Variants in COL14A1 observed in about 807,000 individuals in gnomAD.
The protein encoded by COL14A1 is collagen alpha-1(XIV) chain.
A neutral mutation model predicts 230.3 loss-of-function variants in COL14A1; 136 were observed. The ratio of observed to expected loss-of-function variants is 0.59; its 90% CI spans 0.51 to 0.68. The LOEUF is 0.68. Among genes scored for constraint, COL14A1 ranks in the 30% least tolerant of loss-of-function variants. The pLI is 0.00. For missense variants in COL14A1, 1,976 were observed against 2,215.8 expected, an observed-to-expected ratio of 0.89 and a Z score of 2.17; for synonymous variants, 792 against 784.1, an observed-to-expected ratio of 1.01 and a Z score of -0.17.
At chr8:120,345,928 T>C (rs1312189237) in intron 45 of COL14A1, among the ~76,000 whole-genome samples, 1 of 152,184 alleles carries the variant, frequency 6.6e-6, no homozygotes, top group Non-Finnish European at 1.5e-5. Context: ...AAACATGGCA[T>C]CACACCAATG....
intron 1 of COL14A1, among the ~76,000 whole-genome samples, chr8:120,128,791 C>G (rs900585759): frequency 1.3e-5 from 2 of 152,054 alleles, no homozygotes; most frequent in Admixed American, 6.6e-5. Flanking sequence ...TCGGAGCTAC[C>G]CTGAAAGGTG....
chr8:120,243,027 T>G (rs1445654618), intron 19 of COL14A1, among the ~76,000 whole-genome samples: 1 of 152,196 alleles, frequency 6.6e-6, no homozygotes, highest in Non-Finnish European at 1.5e-5. Flanking sequence ...ATCCTAGCAC[T>G]TTTCCAGCCA....
At chr8:120,194,893 C>T (rs1340996156) in intron 5 of COL14A1, among the ~76,000 whole-genome samples, 1 of 152,078 alleles carries the variant, frequency 6.6e-6, no homozygotes, top group African/African-American at 2.4e-5. Flanking sequence ...AATTTTTATC[C>T]CTTGACTTCT....
chr8:120,350,960 A>G (rs981422711), intron 45 of COL14A1, among the ~76,000 whole-genome samples: 1 of 150,850 alleles, frequency 6.6e-6, no homozygotes, highest in Non-Finnish European at 1.5e-5. Context: ...CACCACACCT[A>G]TTCCAAAATT....
At chr8:120,178,752 T>C (rs1442195904) in intron 5 of COL14A1, among the ~76,000 whole-genome samples, 1 of 152,192 alleles carries the variant, frequency 6.6e-6, no homozygotes, top group Non-Finnish European at 1.5e-5. Flanking sequence ...TTTCCTGACT[T>C]TTTAATAGAT....
chr8:120,262,780 A>T, intron 23 of COL14A1, 88 bp from the exon 24 acceptor site: 2 of 1,308,186 alleles, frequency 1.5e-6, no homozygotes, highest in Non-Finnish European at 2.1e-6. Flanking sequence ...TAACATGTGA[A>T]GTATTTTAGA....
intron 40 of COL14A1, among the ~76,000 whole-genome samples, chr8:120,327,058 C>T (rs938239940): frequency 6.6e-6 from 1 of 152,072 alleles, no homozygotes; most frequent in Admixed American, 6.6e-5. Context: ...CAAAAACCCA[C>T]CTTTGTTCTT....
chr8:120,147,839 T>C lies in COL14A1; in HGVS notation c.-4T>C, dbSNP rs1815146243. The C allele has an allele frequency of 6.2e-7, 1 of 1,612,532 alleles. No homozygotes were observed. The highest frequency in any genetic ancestry group is 1.3e-5 in the African/African-American group (1 of 74,852). ...TACACCCCATGTAAAAAGCGGAAAA[T>C]AAAATGAAGATTTTCCAGCGCAAGA... On this transcript the variant is annotated 5_prime_UTR_variant, in exon 2 of 48. Coordinates refer to ENST00000297848, the MANE Select transcript of COL14A1 (RefSeq NM_021110.4).
rs374391458 is a variant in COL14A1, at chr8:120,231,477, G to A, written c.2208G>A (p.Thr736=). ...TTGTGTTTATTCCAGTTTTCCAGAC[G>A]GGAATCAGAAACCTAGTTGTAGGTG... is the stretch of plus-strand genomic sequence containing the variant. ...PTTSVTSVFQ[T]GIRNLVVGDE... is the part of the protein sequence containing the mutation. Residue 736 remains threonine, a synonymous_variant, in exon 19 of 48, where the codon ACG becomes ACA. Transcript: ENST00000297848. The A allele has an allele frequency of 2.3e-5, 37 of 1,612,082 alleles. No individual in the cohort carries two copies. The Middle Eastern group carries it at 4.9e-4, about 22-fold the overall frequency.
At chr8:120,208,438 TC>T (rs1817516602) in intron 11 of COL14A1, 77 bp downstream of exon 11, 1 of 1,481,756 alleles carries the variant, frequency 6.7e-7, no homozygotes, top group South Asian at 1.3e-5. Flanking sequence ...GAAATTCTGC[TC>T]AGGTCATGTT....
intron 45 of COL14A1, among the ~76,000 whole-genome samples, chr8:120,357,163 G>C (rs781626122): frequency 2.6e-5 from 4 of 152,152 alleles, no homozygotes; most frequent in Admixed American, 6.5e-5. Flanking sequence ...TGAGTTTTAC[G>C]TGGGTCCTGT....
At chr8:120,289,151 C>T (rs563074218) in intron 33 of COL14A1, among the ~76,000 whole-genome samples, 4 of 152,136 alleles carry the variant, frequency 2.6e-5, no homozygotes, top group Admixed American at 1.3e-4. Context: ...TTCTAGATCC[C>T]CTTTCCTCAT....
chr8:120,221,649 C>T (rs1817939373), intron 14 of COL14A1, among the ~76,000 whole-genome samples: 1 of 151,904 alleles, frequency 6.6e-6, no homozygotes, highest in Non-Finnish European at 1.5e-5. Context: ...ATTTTAACTG[C>T]TTTTGTGTAT....
intron 2 of COL14A1, among the ~76,000 whole-genome samples, chr8:120,148,545 T>C (rs1261312442): frequency 6.6e-6 from 1 of 152,204 alleles, no homozygotes; most frequent in African/African-American, 2.4e-5. Flanking sequence ...GCTTTATGAA[T>C]AAAGCCCTAT....
intron 37 of COL14A1, among the ~76,000 whole-genome samples, chr8:120,313,507 G>A (rs1484715476): frequency 6.6e-6 from 1 of 152,142 alleles, no homozygotes; most frequent in Non-Finnish European, 1.5e-5. Flanking sequence ...AAATGCAGAG[G>A]AGTCCCCCCG....
intron 34 of COL14A1, among the ~76,000 whole-genome samples, chr8:120,291,747 T>A (rs1200035099): frequency 6.6e-6 from 1 of 152,048 alleles, no homozygotes; most frequent in Non-Finnish European, 1.5e-5. Context: ...TTGAAGAAAG[T>A]CTATAACACA....
chr8:120,283,507 G>A (rs968201083), intron 31 of COL14A1, 129 bp from the exon 32 acceptor site: 3 of 852,586 alleles, frequency 3.5e-6, no homozygotes, highest in African/African-American at 3.4e-5. Context: ...CAGTGATCTA[G>A]TTGGTGTTAA....
chr8:120,214,364 A>G (rs917856385), intron 13 of COL14A1, among the ~76,000 whole-genome samples: 1 of 152,224 alleles, frequency 6.6e-6, no homozygotes, highest in Non-Finnish European at 1.5e-5. Flanking sequence ...AACATATGCT[A>G]TGTGTCAGAC....
At chr8:120,200,262 G>A (rs942258374) in intron 8 of COL14A1, among the ~76,000 whole-genome samples, 4 of 151,818 alleles carry the variant, frequency 2.6e-5, no homozygotes, top group African/African-American at 9.7e-5. Flanking sequence ...CCTTAATAGG[G>A]CTCTGAAGAC....
Sources: gnomAD v4.1 joint callset for allele counts (sites outside exome capture counted in the v4.1 genomes callset) on GRCh38, gnomAD v4.1.1 for gene constraint, MANE v1.5 for transcripts, NCBI Gene and HGNC (gene_info 2026-07-23, HGNC 2026-07-21) for gene names.